ICA1: variants seen among roughly 807,000 people sequenced by gnomAD.
ICA1 encodes 69 kDa islet cell autoantigen.
In ICA1, 40 loss-of-function variants were observed where a neutral mutation model predicts 71.0. The ratio of observed to expected loss-of-function variants is 0.56; its 90% CI spans 0.44 to 0.73. ICA1 has a LOEUF of 0.73. Among genes scored for constraint, ICA1 ranks in the 30% least tolerant of loss-of-function variants. The probability of loss-of-function intolerance (pLI) is 0.00; values close to 1 mark genes in which losing one functional copy is unlikely to be tolerated. For missense variants in ICA1, 578 were observed against 576.5 expected, an observed-to-expected ratio of 1.00 and a Z score of -0.03; for synonymous variants, 207 against 209.5, an observed-to-expected ratio of 0.99 and a Z score of 0.10.
intron 13 of ICA1, among the ~76,000 whole-genome samples, chr7:8,117,541 G>C (rs1785176489): frequency 6.6e-6 from 1 of 152,092 alleles, no homozygotes. Flanking sequence ...GGAATTTTTT[G>C]TTTTTCAATT....
chr7:8,200,338 CA>C (rs34371233), intron 6 of ICA1, among the ~76,000 whole-genome samples: 14 of 67,948 alleles, frequency 2.1e-4, no homozygotes, highest in East Asian at 5.0e-4. Context: ...CACAGTTGAG[CA>C]AAAAAAAAAA....
intron 1 of ICA1, among the ~76,000 whole-genome samples, chr7:8,244,885 TG>T (rs1344692000): frequency 6.6e-6 from 1 of 152,036 alleles, no homozygotes; most frequent in Non-Finnish European, 1.5e-5. Context: ...GTTAGAATGG[TG>T]ATCATTAAAA....
chr7:8,214,919 A>T lies in ICA1; in HGVS notation c.579+3386T>A, dbSNP rs572715532. Among the ~76,000 whole-genome samples the T allele has an allele frequency of 3.9e-5, 6 of 152,316 alleles. No individual in the cohort carries two copies. The East Asian group carries it at 1.2e-3, about 29-fold the overall frequency. Reference sequence around the variant, plus strand: ...CTACTTATTTCTAAAGACAATGAAGAGCTCAGCAATTAAAGTGGTGCTACC... The same window carrying T: ...CTACTTATTTCTAAAGACAATGAAGTGCTCAGCAATTAAAGTGGTGCTACC... On this transcript the variant is annotated intron_variant, in intron 6 of 13. Coordinates refer to ENST00000402384, the MANE Select transcript of ICA1 (RefSeq NM_001136020.3).
chr7:8,157,218 C>T lies in ICA1; in HGVS notation c.706-4G>A. On this transcript the variant is annotated splice_region_variant and splice_polypyrimidine_tract_variant and intron_variant, in intron 7 of 13. Transcript: ENST00000402384. ...CCCAAAAATGAAGCAGAGTGGTCTG[C>T]AAAGAAAGACAGTAAAGCTATTAAT... The T allele has an allele frequency of 2.5e-6, 4 of 1,595,344 alleles. No individual in the cohort carries two copies. The highest frequency in any genetic ancestry group is 2.0e-4 in the Middle Eastern group (1 of 5,080).
chr7:8,237,496 T>C (rs1398669261), intron 1 of ICA1, among the ~76,000 whole-genome samples: 1 of 152,218 alleles, frequency 6.6e-6, no homozygotes, highest in Non-Finnish European at 1.5e-5. Flanking sequence ...GTGTACAGTA[T>C]AGTAGTGCTA....
At chr7:8,209,723 C>T (rs1231195270) in intron 6 of ICA1, among the ~76,000 whole-genome samples, 1 of 129,812 alleles carries the variant, frequency 7.7e-6, no homozygotes, top group Non-Finnish European at 1.6e-5. Flanking sequence ...AACAGCCTTG[C>T]TTTGGGAAGT....
At chr7:8,156,910 G>A in intron 8 of ICA1, 1 of 1,522,546 alleles carries the variant, frequency 6.6e-7, no homozygotes, top group Non-Finnish European at 8.8e-7. Flanking sequence ...GATTCTCATT[G>A]TATTGAATCC....
chr7:8,227,821 A>G (rs1037595806), intron 4 of ICA1: 6 of 444,142 alleles, frequency 1.4e-5, no homozygotes, highest in Non-Finnish European at 2.7e-5. Flanking sequence ...CCTGGCTCCA[A>G]GTGATCCTCC....
intron 8 of ICA1, among the ~76,000 whole-genome samples, chr7:8,147,136 C>T (rs1297797908): frequency 6.6e-6 from 1 of 152,140 alleles, no homozygotes. Context: ...CCCTGTCTAG[C>T]TGCCACAGCG....
At chr7:8,178,997 G>C (rs1055770406) in intron 6 of ICA1, among the ~76,000 whole-genome samples, 4 of 152,096 alleles carry the variant, frequency 2.6e-5, no homozygotes, top group African/African-American at 7.2e-5. Flanking sequence ...CTCTACAATG[G>C]AATCTGAGCA....
intron 7 of ICA1, 162 bp from the exon 8 acceptor site, chr7:8,157,376 G>A (rs1802013643): frequency 1.4e-6 from 1 of 698,308 alleles, no homozygotes; most frequent in Admixed American, 3.5e-5. Flanking sequence ...CTGTATTTCA[G>A]CCAAACTAAA....
At chr7:8,141,959 A>G in intron 9 of ICA1, 142 bp from the exon 10 acceptor site, 2 of 1,496,182 alleles carry the variant, frequency 1.3e-6, no homozygotes, top group Non-Finnish European at 1.8e-6. Context: ...GTCAACATAT[A>G]GTCATTTACA....
At chr7:8,115,919 G>A (rs1433316771) in intron 13 of ICA1, among the ~76,000 whole-genome samples, 1 of 152,158 alleles carries the variant, frequency 6.6e-6, no homozygotes, top group African/African-American at 2.4e-5. Context: ...TGGTATTTCT[G>A]GCTAAAAATA....
chr7:8,152,438 G>A (rs1799140879), intron 8 of ICA1, among the ~76,000 whole-genome samples: 1 of 151,762 alleles, frequency 6.6e-6, no homozygotes, highest in South Asian at 2.1e-4. Context: ...CTTTACCGTG[G>A]CTGTTATCCT....
At chr7:8,114,129 C>G (rs1784025628) in intron 13 of ICA1, 85 bp from the exon 14 acceptor site, 2 of 1,419,302 alleles carry the variant, frequency 1.4e-6, no homozygotes, top group South Asian at 2.3e-5. Context: ...TCCAGGTCAT[C>G]TTCAAATGCA....
intron 6 of ICA1, among the ~76,000 whole-genome samples, chr7:8,203,419 T>G (rs984185613): frequency 1.3e-5 from 2 of 152,196 alleles, no homozygotes; most frequent in African/African-American, 4.8e-5. Flanking sequence ...AGAGCAAAAT[T>G]GCCTTTTTTG....
At chr7:8,186,401 T>A (rs1405990725) in intron 6 of ICA1, among the ~76,000 whole-genome samples, 1 of 151,234 alleles carries the variant, frequency 6.6e-6, no homozygotes, top group Non-Finnish European at 1.5e-5. Context: ...GGAAGGAGAG[T>A]GGGCTGGGTT....
chr7:8,131,523 G>A (rs1291737075), intron 12 of ICA1, among the ~76,000 whole-genome samples: 1 of 152,000 alleles, frequency 6.6e-6, no homozygotes, highest in African/African-American at 2.4e-5. Flanking sequence ...CCTTTTATTT[G>A]GCTTCTTGAT....
intron 1 of ICA1, among the ~76,000 whole-genome samples, chr7:8,256,120 T>C (rs1810064607): frequency 6.6e-6 from 1 of 152,150 alleles, no homozygotes; most frequent in African/African-American, 2.4e-5. Context: ...CCATTCTACC[T>C]CTTAAAAAGC....
Sources: allele counts gnomAD v4.1 joint callset (sites outside exome capture counted in the v4.1 genomes callset), GRCh38; gene constraint gnomAD v4.1.1; transcripts MANE v1.5; gene names NCBI Gene and HGNC (gene_info 2026-07-23, HGNC 2026-07-21).